CSMD1: variants seen among roughly 807,000 people sequenced by gnomAD.
CSMD1 encodes the protein CUB and Sushi multiple domains 1.
Under a neutral mutation model 417.5 loss-of-function variants are expected in CSMD1, and 213 were observed. The ratio of observed to expected loss-of-function variants is 0.51; its 90% CI spans 0.46 to 0.57. The LOEUF (loss-of-function observed/expected upper bound fraction) is 0.57, where lower values mean the gene tolerates loss of function less well. Ranked by LOEUF, CSMD1 falls within the 20% of genes least tolerant of loss-of-function variation. The pLI is 0.00. For missense variants in CSMD1, 6,923 were observed against 4,529.7 expected (o/e 1.53, Z -15.17); for synonymous variants, 2,862 against 1,736.8 (o/e 1.65, Z -16.11).
chr8:4,609,206 C>G (rs938002220), intron 2 of CSMD1, among the ~76,000 whole-genome samples: 1 of 152,126 alleles, frequency 6.6e-6, no homozygotes, highest in Non-Finnish European at 1.5e-5. Context: ...TCCAGACCAG[C>G]CTGGACAAGA....
At chr8:4,598,885 A>G (rs1423647902) in intron 2 of CSMD1, among the ~76,000 whole-genome samples, 1 of 151,580 alleles carries the variant, frequency 6.6e-6, no homozygotes, top group Non-Finnish European at 1.5e-5. Context: ...GAAAAAAAGA[A>G]TGACTTTTTT....
At chr8:4,000,007 G>A (rs1313775686) in intron 4 of CSMD1, among the ~76,000 whole-genome samples, 1 of 152,216 alleles carries the variant, frequency 6.6e-6, no homozygotes, top group Non-Finnish European at 1.5e-5. Context: ...TTTTAAAAGT[G>A]TAAAACCAAA....
chr8:3,979,214 T>C (rs1813667084), intron 5 of CSMD1, among the ~76,000 whole-genome samples: 1 of 152,194 alleles, frequency 6.6e-6, no homozygotes. Context: ...ATCTCAATAA[T>C]GTATAGGAAG....
chr8:4,396,841 A>G (rs1804259791), intron 3 of CSMD1, among the ~76,000 whole-genome samples: 1 of 152,078 alleles, frequency 6.6e-6, no homozygotes, highest in South Asian at 2.1e-4. Context: ...TGAGCATGAA[A>G]AGGCATAAGA....
chr8:2,942,150 G>A (rs979123155), intron 69 of CSMD1, among the ~76,000 whole-genome samples: 1 of 151,864 alleles, frequency 6.6e-6, no homozygotes, highest in Non-Finnish European at 1.5e-5. Flanking sequence ...CACATTGAGG[G>A]GACAACACAC....
At chr8:4,393,670 A>G (rs1026684829) in intron 3 of CSMD1, among the ~76,000 whole-genome samples, 3 of 152,198 alleles carry the variant, frequency 2.0e-5, no homozygotes, top group South Asian at 4.1e-4. Flanking sequence ...TCACCTTCAC[A>G]CTCCTATACT....
intron 1 of CSMD1, among the ~76,000 whole-genome samples, chr8:4,730,233 C>G (rs577550949): frequency 6.6e-6 from 1 of 151,860 alleles, no homozygotes; most frequent in East Asian, 1.9e-4. Context: ...CAAAACAAAA[C>G]AAAACATATA....
At chr8:4,764,095 C>T (rs1259432119) in intron 1 of CSMD1, among the ~76,000 whole-genome samples, 1 of 152,186 alleles carries the variant, frequency 6.6e-6, no homozygotes, top group Non-Finnish European at 1.5e-5. Flanking sequence ...GCAATCTCCA[C>T]CTCCAGAGAG....
At chr8:4,279,461 C>A (rs62478562) in intron 3 of CSMD1, among the ~76,000 whole-genome samples, 3 of 151,974 alleles carry the variant, frequency 2.0e-5, no homozygotes, top group Admixed American at 2.0e-4. Flanking sequence ...TCCCAGTAGC[C>A]CATTTAATAG....
intron 3 of CSMD1, among the ~76,000 whole-genome samples, chr8:4,271,470 C>G (rs1312858937): frequency 2.0e-5 from 3 of 151,700 alleles, no homozygotes; most frequent in Non-Finnish European, 4.4e-5. Flanking sequence ...CACTGCAATG[C>G]AATACATTTT....
At chr8:3,223,929 T>G (rs1798349258) in intron 27 of CSMD1, 62 bp from the exon 28 acceptor site, 4 of 1,547,324 alleles carry the variant, frequency 2.6e-6, no homozygotes, top group Admixed American at 3.6e-5. Context: ...TGCCAGTCAG[T>G]GTGGAAGGAG....
intron 12 of CSMD1, among the ~76,000 whole-genome samples, chr8:3,415,678 G>GGT (rs898315521): frequency 6.6e-6 from 1 of 152,098 alleles, no homozygotes; most frequent in Non-Finnish European, 1.5e-5. Context: ...CACATTTATA[G>GGT]GTGTGTGTGT....
chr8:3,389,740 A>G (rs1193615749), intron 17 of CSMD1, among the ~76,000 whole-genome samples: 1 of 152,172 alleles, frequency 6.6e-6, no homozygotes, highest in Admixed American at 6.5e-5. Flanking sequence ...AAAGAGACAA[A>G]CTGCGGTAGA....
intron 25 of CSMD1, among the ~76,000 whole-genome samples, chr8:3,288,287 G>A (rs1199243274): frequency 6.8e-6 from 1 of 146,976 alleles, no homozygotes; most frequent in Admixed American, 6.7e-5. Flanking sequence ...TTTTCTGCCA[G>A]GCTTTGGTAT....
rs532123728 is a variant in CSMD1 at position 3,611,813 on chromosome 8, G to C, written c.1097+4897C>G. 2.6e-5 allele frequency among the ~76,000 whole-genome samples: 4 copies of C among 151,990 alleles called. No individual in the cohort carries two copies. The South Asian group carries it at 8.3e-4, about 32-fold the overall frequency. ...TTATTTTCAAATGACCAATGTATGAGGTACAAAATCATGCATATACAAAAA... is the reference window on the plus strand; with the variant it reads ...TTATTTTCAAATGACCAATGTATGACGTACAAAATCATGCATATACAAAAA... On this transcript the variant is annotated intron_variant, in intron 8 of 69. Coordinates refer to ENST00000635120, the MANE Select transcript of CSMD1 (RefSeq NM_033225.6).
intron 5 of CSMD1, among the ~76,000 whole-genome samples, chr8:3,856,758 G>A (rs1325616623): frequency 6.6e-6 from 1 of 152,132 alleles, no homozygotes; most frequent in African/African-American, 2.4e-5. Context: ...TTGCCATGGT[G>A]TCTTTGTCTC....
intron 1 of CSMD1, among the ~76,000 whole-genome samples, chr8:4,836,796 G>A (rs1369745791): frequency 6.6e-6 from 1 of 151,990 alleles, no homozygotes; most frequent in African/African-American, 2.4e-5. Context: ...ACACACTGAT[G>A]TAATCGGGCC....
At chr8:3,639,896 C>G (rs1797223156) in intron 7 of CSMD1, among the ~76,000 whole-genome samples, 1 of 152,092 alleles carries the variant, frequency 6.6e-6, no homozygotes, top group African/African-American at 2.4e-5. Flanking sequence ...TATTTGTTAT[C>G]TTCTTTGTGT....
At chr8:4,072,328 C>G (rs2552126) in intron 3 of CSMD1, among the ~76,000 whole-genome samples, 111,800 of 152,084 alleles carry the variant, frequency 0.74, 41,876 homozygotes, top group South Asian at 0.87. Flanking sequence ...GTATTTACTT[C>G]TACTTGACAC....
Sources: gnomAD v4.1 joint callset for allele counts (sites outside exome capture counted in the v4.1 genomes callset) on GRCh38, gnomAD v4.1.1 for gene constraint, MANE v1.5 for transcripts, NCBI Gene and HGNC (gene_info 2026-07-23, HGNC 2026-07-21) for gene names.